Variants in ZNF280D observed in about 807,000 individuals in gnomAD.
The protein encoded by ZNF280D is zinc finger protein 280D, also known as suppressor of hairy wing homolog 4.
In ZNF280D, 39 loss-of-function variants were observed where a neutral mutation model predicts 94.7. The ratio of observed to expected loss-of-function variants is 0.41; its 90% CI spans 0.32 to 0.54. The LOEUF (loss-of-function observed/expected upper bound fraction) is 0.54. ZNF280D is among the 20% of genes least tolerant of loss of function. The probability of loss-of-function intolerance (pLI) is 0.22; values close to 1 mark genes in which losing one functional copy is unlikely to be tolerated. For synonymous variants in ZNF280D, 398 were observed against 377.6 expected (o/e 1.05, Z -0.63); for missense variants, 1,090 against 1,149.3 (o/e 0.95, Z 0.75).
intron 1 of ZNF280D, among the ~76,000 whole-genome samples, chr15:56,707,704 T>C (rs571412616): frequency 6.6e-6 from 1 of 152,252 alleles, no homozygotes; most frequent in Admixed American, 6.5e-5. Context: ...TTTAAACAAA[T>C]TTTAGTTTAT....
In ZNF280D at chr15:56,697,919, T is replaced by C. The variant is rs774404902; in HGVS notation, c.381+3014A>G. On this transcript the variant is annotated intron_variant, in intron 6 of 21. Transcript: ENST00000267807. The stretch of plus-strand genomic sequence containing the variant: ...CTTAAATATCTAGCTTAATCAAAAA[T>C]TGTTTTAGTCTCTTATCTGCTTCTG... 4.6e-5 allele frequency: 7 copies of C among 152,204 alleles called. No homozygotes were observed. In the East Asian group the frequency reaches 9.6e-4, roughly 21 times the overall value. The allele number at this position is 152,204 out of a possible 1,614,324, so 9.4% of individuals were successfully genotyped here.
chr15:56,691,631 A>G lies in ZNF280D; in HGVS notation c.499+1467T>C, dbSNP rs2056427446. 2.6e-5 allele frequency among the ~76,000 whole-genome samples: 4 copies of G among 152,148 alleles called. No homozygotes were observed. The South Asian group carries it at 8.3e-4, about 32-fold the overall frequency. Reference sequence around the variant, plus strand: ...GCTGGTAAAAATCCTATTCTCATTCAAGATTTAGCTCAAATCCAGTTTTCT... The same window carrying G: ...GCTGGTAAAAATCCTATTCTCATTCGAGATTTAGCTCAAATCCAGTTTTCT... On this transcript the variant is annotated intron_variant, in intron 7 of 21. Transcript: ENST00000267807.
chr15:56,650,910 G>C (rs574320651), intron 19 of ZNF280D, among the ~76,000 whole-genome samples: 1 of 152,138 alleles, frequency 6.6e-6, no homozygotes, highest in Admixed American at 6.6e-5. Context: ...TCTCAGTGAG[G>C]CCTCACTAAA....
intron 4 of ZNF280D, among the ~76,000 whole-genome samples, chr15:56,703,502 C>A (rs1294778127): frequency 6.6e-6 from 1 of 152,040 alleles, no homozygotes; most frequent in African/African-American, 2.4e-5. Context: ...CAAAGCATTC[C>A]AAATGTTTTA....
intron 7 of ZNF280D, 83 bp from the exon 8 acceptor site, chr15:56,689,553 A>C: frequency 2.3e-6 from 2 of 853,266 alleles, no homozygotes; most frequent in Non-Finnish European, 3.3e-6. Context: ...TTGGAGCTAA[A>C]TTAAAGGTAA....
chr15:56,685,179 G>A (rs1294714686), intron 9 of ZNF280D, among the ~76,000 whole-genome samples: 1 of 152,016 alleles, frequency 6.6e-6, no homozygotes, highest in East Asian at 1.9e-4. Flanking sequence ...GAACATGAAC[G>A]ACCTCACAGA....
intron 6 of ZNF280D, among the ~76,000 whole-genome samples, chr15:56,695,419 T>C (rs1057436369): frequency 1.3e-5 from 2 of 151,860 alleles, no homozygotes; most frequent in African/African-American, 4.8e-5. Flanking sequence ...GAATTTATGG[T>C]AATGAAATAA....
chr15:56,721,558 C>A (rs1365218764), intron 1 of ZNF280D, among the ~76,000 whole-genome samples: 1 of 152,176 alleles, frequency 6.6e-6, no homozygotes, highest in African/African-American at 2.4e-5. Context: ...GAAACTTCTG[C>A]ATCAGTACCT....
At chr15:56,668,261 A>C (rs1296036310) in intron 14 of ZNF280D, 2 of 417,224 alleles carry the variant, frequency 4.8e-6, no homozygotes, top group African/African-American at 4.2e-5. Context: ...AAGAAGTCAG[A>C]GAAAACAGAT....
chr15:56,673,467 G>T (rs865987518), intron 13 of ZNF280D, among the ~76,000 whole-genome samples: 3 of 151,932 alleles, frequency 2.0e-5, no homozygotes, highest in South Asian at 2.1e-4. Flanking sequence ...CTCGTTCAAC[G>T]ATTGCTACCA....
At chr15:56,713,195 G>A (rs547793106) in intron 1 of ZNF280D, among the ~76,000 whole-genome samples, 1 of 152,076 alleles carries the variant, frequency 6.6e-6, no homozygotes, top group South Asian at 2.1e-4. Flanking sequence ...CCAAGAAGTT[G>A]GCAACACCAA....
At chr15:56,709,057 C>T (rs1333864548) in intron 1 of ZNF280D, among the ~76,000 whole-genome samples, 1 of 152,094 alleles carries the variant, frequency 6.6e-6, no homozygotes, top group Non-Finnish European at 1.5e-5. Context: ...AAACTACCAT[C>T]AGAGTGAACA....
chr15:56,662,980 C>G (rs1003516054), intron 16 of ZNF280D, among the ~76,000 whole-genome samples: 1 of 151,876 alleles, frequency 6.6e-6, no homozygotes, highest in South Asian at 2.1e-4. Flanking sequence ...CGAATAGTCA[C>G]TGTAGAAAAC....
In ZNF280D at chr15:56,689,221, C is replaced by T. The variant is rs1226937243; in HGVS notation, c.671-71G>A. On this transcript the variant is annotated intron_variant, in intron 8 of 21. Transcript: ENST00000267807. ...TAACCTTAAATAACCACTAATAATA[C>T]TTTTAAAATTTATAGCCACTTCAAA... 7.1e-6 allele frequency: 11 copies of T among 1,550,216 alleles called. 1 individual carries two copies. The highest frequency in any genetic ancestry group is 6.1e-5 in the Admixed American group (3 of 49,350).
chr15:56,716,382 G>T (rs2058043682), intron 1 of ZNF280D, among the ~76,000 whole-genome samples: 1 of 151,940 alleles, frequency 6.6e-6, no homozygotes. Flanking sequence ...GAAAGGGTTG[G>T]AGTTAACTAG....
intron 20 of ZNF280D, among the ~76,000 whole-genome samples, chr15:56,641,050 T>G (rs1243062420): frequency 6.6e-6 from 1 of 152,100 alleles, no homozygotes; most frequent in African/African-American, 2.4e-5. Flanking sequence ...AAATATGAAA[T>G]TAGGGCATTT....
At chr15:56,709,884 G>C (rs1327538115) in intron 1 of ZNF280D, among the ~76,000 whole-genome samples, 1 of 152,112 alleles carries the variant, frequency 6.6e-6, no homozygotes, top group African/African-American at 2.4e-5. Context: ...GGGAGGGATA[G>C]CATTAGGAGA....
At chr15:56,657,178 A>C (rs955599210) in intron 17 of ZNF280D, among the ~76,000 whole-genome samples, 3 of 152,194 alleles carry the variant, frequency 2.0e-5, no homozygotes, top group African/African-American at 7.2e-5. Flanking sequence ...AATCAGAAGA[A>C]TATGAAACAA....
Position 56,668,942 on chromosome 15 carries a change from G to A in ZNF280D, c.1426C>T (p.Arg476Cys), listed in dbSNP as rs1382450059. 6.2e-6 allele frequency: 10 copies of A among 1,608,286 alleles called. No individual in the cohort carries two copies. Among genetic ancestry groups the A allele is most frequent in the Non-Finnish European group, 8.5e-6 (10 of 1,177,988 alleles). ...YMKHQKKGIHRCTKCRLQFLT... is the reference protein window; with the variant it reads ...YMKHQKKGIHCCTKCRLQFLT... Reference sequence around the variant, plus strand: ...AACTGCAGCCTGCATTTTGTACAACGATGTATTCCTTTTTTCTGTTTAGAA... The same window carrying A: ...AACTGCAGCCTGCATTTTGTACAACAATGTATTCCTTTTTTCTGTTTAGAA... The change falls in exon 14 of 22, where the codon CGT (arginine) becomes TGT (cysteine). Residue 476 changes from arginine (R) to cysteine (C), a missense_variant. By Grantham distance (180) the Arg-to-Cys change is radical (BLOSUM62 -3). This residue lies in a region of ZNF280D where 127 missense variants were observed against 208.6 expected (regional missense o/e 0.61). Transcript: ENST00000267807.
Sources: allele counts gnomAD v4.1 joint callset (sites outside exome capture counted in the v4.1 genomes callset), GRCh38; gene constraint gnomAD v4.1.1; regional missense constraint gnomAD v4.1.1; transcripts MANE v1.5; gene names NCBI Gene and HGNC (gene_info 2026-07-23, HGNC 2026-07-21).